Variants in RABEP1 observed in about 807,000 individuals in gnomAD.
RABEP1 encodes the protein rabaptin, RAB GTPase binding effector protein 1.
RABEP1 carries 51 observed loss-of-function variants against 123.4 expected under a neutral mutation model. That is an observed-to-expected ratio of 0.41 (90% CI 0.33 to 0.52). RABEP1 has a LOEUF of 0.52. Ranked by LOEUF, RABEP1 falls within the 20% of genes least tolerant of loss-of-function variation. The pLI, the probability that RABEP1 is intolerant of heterozygous loss-of-function variation, is 0.16. For missense variants in RABEP1, 888 were observed against 996.3 expected (o/e 0.89, Z 1.46); for synonymous variants, 347 against 355.2 (o/e 0.98, Z 0.26).
In RABEP1 at chr17:5,362,951, A is replaced by G. The variant is rs1282671409; in HGVS notation, c.1603A>G (p.Met535Val). ...AGNKLGRRCD[M>V]CSNYEKQLQG... is the part of the protein sequence containing the mutation. ...AAATAAACTTGGTAGACGTTGTGAT[A>G]TGTGTTCCAATTACGAAAAACAGTT... The change falls in exon 10 of 18, where the codon ATG (methionine) becomes GTG (valine). Residue 535 changes from methionine (M) to valine (V), a missense_variant. Met to Val is a conservative substitution (Grantham distance 21). Coordinates refer to ENST00000537505, the MANE Select transcript of RABEP1 (RefSeq NM_004703.6). 1.9e-6 allele frequency: 3 copies of G among 1,613,882 alleles called. No individual in the cohort carries two copies. The highest frequency in any genetic ancestry group is 2.2e-5 in the East Asian group (1 of 44,892).
At chr17:5,361,093 G>A (rs1909484759) in intron 8 of RABEP1, 115 bp from the exon 9 acceptor site, 13 of 901,774 alleles carry the variant, frequency 1.4e-5, no homozygotes, top group Non-Finnish European at 2.2e-5. Context: ...GTCTGTGAAG[G>A]TAGCACATTA....
chr17:5,340,400 C>T (rs1907489369), intron 5 of RABEP1, among the ~76,000 whole-genome samples: 1 of 151,982 alleles, frequency 6.6e-6, no homozygotes, highest in African/African-American at 2.4e-5. Flanking sequence ...CACTGTATGG[C>T]TATTATGAGG....
At chr17:5,356,922 G>A (rs1230105516) in intron 8 of RABEP1, among the ~76,000 whole-genome samples, 1 of 152,064 alleles carries the variant, frequency 6.6e-6, no homozygotes, top group East Asian at 1.9e-4. Flanking sequence ...CTTTCACCCA[G>A]GCTGGAGTGC....
rs778775974 is a variant in RABEP1 at position 5,338,098 on chromosome 17, C to T, written c.608C>T (p.Thr203Ile). Residue 203 changes from threonine to isoleucine, a missense_variant, in exon 5 of 18, where the codon ACA becomes ATA. Physicochemically the swap from Thr to Ile is moderately conservative, Grantham distance 89. Coordinates refer to ENST00000537505, the MANE Select transcript of RABEP1 (RefSeq NM_004703.6). Reference sequence around the variant, plus strand: ...ATTGCAGCTTTGAAGGATAAACTGACAGAGGCTGAAGACAAAATTAAAGAG... The same window carrying T: ...ATTGCAGCTTTGAAGGATAAACTGATAGAGGCTGAAGACAAAATTAAAGAG... ...KEIAALKDKL[T>I]EAEDKIKELE... is the part of the protein sequence containing the mutation. The T allele has an allele frequency of 3.7e-6, 6 of 1,613,350 alleles. No individual in the cohort carries two copies. The Admixed American group carries it at 5.0e-5, about 13-fold the overall frequency.
chr17:5,340,642 A>AAG (rs1907514198), intron 5 of RABEP1, among the ~76,000 whole-genome samples: 1 of 151,224 alleles, frequency 6.6e-6, no homozygotes, highest in African/African-American at 2.4e-5. Flanking sequence ...AGATCTTTAA[A>AAG]AAAAAAAAAA....
chr17:5,334,778 T>C (rs11652974), intron 3 of RABEP1, among the ~76,000 whole-genome samples: 18,102 of 152,190 alleles, frequency 0.12, 1,430 homozygotes, highest in African/African-American at 0.22. Flanking sequence ...ATATCCCTTT[T>C]CGTATACTTT....
chr17:5,289,177 C>CTCT (rs140495716), intron 1 of RABEP1, among the ~76,000 whole-genome samples: 149,918 of 150,404 alleles, frequency 1, 74,718 homozygotes, highest in Middle Eastern at 1. Context: ...CTTCTTCTTC[C>CTCT]TCTTCCTTTT....
intron 2 of RABEP1, among the ~76,000 whole-genome samples, chr17:5,323,572 AT>A (rs1375139467): frequency 6.6e-6 from 1 of 151,654 alleles, no homozygotes; most frequent in Non-Finnish European, 1.5e-5. Flanking sequence ...TGAAAAAGAA[AT>A]CAAAGCAATC....
Position 5,336,035 on chromosome 17 carries a change from T to C in RABEP1, c.528+691T>C, listed in dbSNP as rs188061683. Among the ~76,000 whole-genome samples, 11 of 152,316 alleles carry C rather than the reference T, an allele frequency of 7.2e-5. No individual in the cohort carries two copies. The East Asian group carries it at 1.9e-3, about 27-fold the overall frequency. The stretch of plus-strand genomic sequence containing the variant: ...CATAATACCATATAATACTTGAACA[T>C]AGGGCAACTAAATGTAAATTGAGAC... On this transcript the variant is annotated intron_variant, in intron 4 of 17. Coordinates refer to ENST00000537505, the MANE Select transcript of RABEP1 (RefSeq NM_004703.6).
rs1381953887 is a variant in RABEP1 at position 5,338,128 on chromosome 17, A to G, written c.638A>G (p.Glu213Gly). 1 of 1,611,914 alleles carries G rather than the reference A, an allele frequency of 6.2e-7. No individual in the cohort carries two copies. Among genetic ancestry groups the G allele is most frequent in the Non-Finnish European group, 8.5e-7 (1 of 1,178,978 alleles). ...GCTGAAGACAAAATTAAAGAGCTGG[A>G]GGCCTCAAAGGTTATGAAACATTGT... ...TEAEDKIKEL[E>G]ASKVKELNHY... The change falls in exon 5 of 18, where the codon GAG (glutamate) becomes GGG (glycine). Residue 213 changes from glutamate (E) to glycine (G), a missense_variant. By Grantham distance (98) the Glu-to-Gly change is moderately conservative. Coordinates refer to ENST00000537505, the MANE Select transcript of RABEP1 (RefSeq NM_004703.6).
intron 2 of RABEP1, among the ~76,000 whole-genome samples, chr17:5,316,295 C>T (rs1310111352): frequency 2.0e-5 from 3 of 150,782 alleles, no homozygotes; most frequent in African/African-American, 7.3e-5. Flanking sequence ...TACTAAAATA[C>T]AAAAAATTAG....
intron 13 of RABEP1, 137 bp from the exon 14 acceptor site, chr17:5,376,979 C>G: frequency 1.2e-6 from 1 of 851,340 alleles, no homozygotes; most frequent in Non-Finnish European, 1.8e-6. Flanking sequence ...CCCTGAAGCT[C>G]TAAGTGGCTT....
Position 5,368,432 on chromosome 17 carries a change from G to T in RABEP1, c.1848G>T (p.Gly616=), listed in dbSNP as rs1271157411. 2 of 1,613,638 alleles carry T rather than the reference G, an allele frequency of 1.2e-6. No homozygotes were observed. Among genetic ancestry groups the T allele is most frequent in the Non-Finnish European group, 1.7e-6 (2 of 1,179,844 alleles). Residue 616 remains glycine (G), a synonymous_variant, in exon 12 of 18, where the codon GGG becomes GGT. Transcript: ENST00000537505. ...SEILLEELQQ[G]LSQAKRDVQE... is the part of the protein sequence containing the mutation. ...TCTTACTTGAAGAGTTACAGCAGGG[G>T]CTTTCCCAGGCAAAGAGGGATGTTC... is the stretch of plus-strand genomic sequence containing the variant.
chr17:5,322,689 G>GAACC (rs1301623633), intron 2 of RABEP1, among the ~76,000 whole-genome samples: 4 of 152,244 alleles, frequency 2.6e-5, no homozygotes, highest in Admixed American at 2.0e-4. Flanking sequence ...CAGCCACCAC[G>GAACC]ATCAAGTAGA....
intron 10 of RABEP1, among the ~76,000 whole-genome samples, chr17:5,363,352 T>C (rs1909729945): frequency 6.6e-6 from 1 of 151,924 alleles, no homozygotes; most frequent in South Asian, 2.1e-4. Context: ...GCCGAGTAGC[T>C]GGGATTACAG....
intron 17 of RABEP1, among the ~76,000 whole-genome samples, chr17:5,382,083 ATTT>A (rs58178661): frequency 2.8e-5 from 4 of 143,102 alleles, no homozygotes; most frequent in African/African-American, 7.7e-5. Flanking sequence ...GGAACTTCGG[ATTT>A]TTTTTTTTTT....
chr17:5,283,246 A>G (rs991597299), intron 1 of RABEP1, among the ~76,000 whole-genome samples: 1 of 152,152 alleles, frequency 6.6e-6, no homozygotes, highest in African/African-American at 2.4e-5. Flanking sequence ...AATAATGAGA[A>G]TAGTGTTTGA....
chr17:5,368,655 C>G (rs1483193618), intron 12 of RABEP1, among the ~76,000 whole-genome samples, 187 bp downstream of exon 12: 1 of 152,160 alleles, frequency 6.6e-6, no homozygotes, highest in Non-Finnish European at 1.5e-5. Context: ...TTTAAACCTA[C>G]TTTCTGGCCA....
At chr17:5,308,560 C>A in intron 1 of RABEP1, 134 bp from the exon 2 acceptor site, 1 of 808,912 alleles carries the variant, frequency 1.2e-6, no homozygotes, top group Non-Finnish European at 1.9e-6. Context: ...AATATCCTAG[C>A]ATATGGTGGA....
Sources: gnomAD v4.1 joint callset for allele counts (sites outside exome capture counted in the v4.1 genomes callset) on GRCh38, gnomAD v4.1.1 for gene constraint, MANE v1.5 for transcripts, NCBI Gene and HGNC (gene_info 2026-07-23, HGNC 2026-07-21) for gene names.